Variants in HIVEP3 observed in about 807,000 individuals in gnomAD.
The protein encoded by HIVEP3 is transcription factor HIVEP3.
Under a neutral mutation model 152.8 loss-of-function variants are expected in HIVEP3, and 49 were observed. The ratio of observed to expected loss-of-function variants is 0.32; its 90% CI spans 0.26 to 0.41. HIVEP3 has a LOEUF of 0.41. HIVEP3 is among the 10% of genes least tolerant of loss of function. The pLI, the probability that HIVEP3 is intolerant of heterozygous loss-of-function variation, is 1.00. For synonymous variants in HIVEP3, 1,269 were observed against 1,289.0 expected, an observed-to-expected ratio of 0.98 and a Z score of 0.33; for missense variants, 2,790 against 3,103.3, an observed-to-expected ratio of 0.90 and a Z score of 2.40.
chr1:41,620,874 G>A (rs1645037559), intron 3 of HIVEP3, among the ~76,000 whole-genome samples: 1 of 152,208 alleles, frequency 6.6e-6, no homozygotes, highest in South Asian at 2.1e-4. Flanking sequence ...CTGTGCACCA[G>A]GCAGTGCTGG....
chr1:41,637,392 A>G (rs1218792505), intron 2 of HIVEP3, among the ~76,000 whole-genome samples: 1 of 152,214 alleles, frequency 6.6e-6, no homozygotes, highest in Non-Finnish European at 1.5e-5. Flanking sequence ...TCTATGTATC[A>G]AGCTTTGTCT....
chr1:41,850,561 T>C (rs1289985784), intron 1 of HIVEP3, among the ~76,000 whole-genome samples: 1 of 152,218 alleles, frequency 6.6e-6, no homozygotes, highest in African/African-American at 2.4e-5. Flanking sequence ...CTCCTAATTT[T>C]TGTCGTCATT....
At position 41,784,717 on chromosome 1, in the gene HIVEP3, G is replaced by A. The variant is rs113278528; in HGVS notation, c.-800-83722C>T. On this transcript the variant is annotated intron_variant, in intron 1 of 8. Coordinates refer to ENST00000372583, the MANE Select transcript of HIVEP3 (RefSeq NM_024503.5). ...ACTTACTCAAGTAAATTAAGGAGAA[G>A]AGCTTGGCCTAGAATCAAGCCTTGT... is the stretch of plus-strand genomic sequence containing the variant. Among the ~76,000 whole-genome samples the A allele has an allele frequency of 9.8e-5, 15 of 152,350 alleles. 3 individuals carry two copies. Among genetic ancestry groups the A allele is most frequent in the African/African-American group, 3.6e-4 (15 of 41,580 alleles).
intron 1 of HIVEP3, among the ~76,000 whole-genome samples, chr1:41,979,560 T>G (rs1016761477): frequency 1.3e-5 from 2 of 152,188 alleles, no homozygotes; most frequent in Admixed American, 1.3e-4. Context: ...TGTCACTCAC[T>G]CTATTTTCTT....
At chr1:41,977,507 G>C (rs1040560138) in intron 1 of HIVEP3, among the ~76,000 whole-genome samples, 2 of 152,210 alleles carry the variant, frequency 1.3e-5, no homozygotes, top group African/African-American at 4.8e-5. Flanking sequence ...GCAGAGGTGA[G>C]TGTCACATCC....
intron 1 of HIVEP3, among the ~76,000 whole-genome samples, chr1:41,981,508 G>A (rs188560744): frequency 1.3e-5 from 2 of 152,094 alleles, no homozygotes; most frequent in Non-Finnish European, 2.9e-5. Flanking sequence ...TGGACTCAAG[G>A]CCTGCCACGT....
chr1:41,538,694 A>C (rs1458303631), intron 5 of HIVEP3, among the ~76,000 whole-genome samples: 1 of 152,202 alleles, frequency 6.6e-6, no homozygotes, highest in Non-Finnish European at 1.5e-5. Flanking sequence ...AGAGCCAGCA[A>C]GCAGGCACCA....
chr1:41,884,622 G>T (rs1411091166), intron 1 of HIVEP3, among the ~76,000 whole-genome samples: 1 of 152,216 alleles, frequency 6.6e-6, no homozygotes, highest in African/African-American at 2.4e-5. Context: ...ATCCTGAAGG[G>T]TTAGCATTGG....
intron 2 of HIVEP3, among the ~76,000 whole-genome samples, chr1:41,636,943 G>A (rs1293711190): frequency 7.2e-5 from 9 of 125,066 alleles, no homozygotes; most frequent in Middle Eastern, 4.5e-3. Context: ...TGGGCAACAA[G>A]AGCGAAACTC....
chr1:41,974,583 T>C (rs1440415385), intron 1 of HIVEP3, among the ~76,000 whole-genome samples: 2 of 152,028 alleles, frequency 1.3e-5, no homozygotes, highest in African/African-American at 4.8e-5. Flanking sequence ...TCTTTGTCTC[T>C]GGTCCCTGGG....
rs151217227 is a variant in HIVEP3, at chr1:41,917,922, C to T, written c.-801+491G>A. Among the ~76,000 whole-genome samples the T allele has an allele frequency of 3.8e-3, 582 of 152,364 alleles. 5 individuals are homozygous for T. Among genetic ancestry groups the T allele is most frequent in the African/African-American group, 0.014 (564 of 41,580 alleles). The stretch of plus-strand genomic sequence containing the variant: ...TCACTCTCAACCAAGCAGGCTACTG[C>T]AGTCCGCCTAAACAATCCGGAGCAG... On this transcript the variant is annotated intron_variant, in intron 1 of 8. Transcript: ENST00000372583.
chr1:41,753,762 T>C (rs1647208073), intron 1 of HIVEP3, among the ~76,000 whole-genome samples: 1 of 152,114 alleles, frequency 6.6e-6, no homozygotes, highest in South Asian at 2.1e-4. Flanking sequence ...TAGGTGGCCG[T>C]TCATTTTCAT....
chr1:41,744,469 T>C (rs1424881046), intron 1 of HIVEP3, among the ~76,000 whole-genome samples: 7 of 152,362 alleles, frequency 4.6e-5, no homozygotes, highest in East Asian at 3.9e-4. Context: ...TCTTTGGCCA[T>C]GATCAGGGTG....
At chr1:41,710,557 C>A (rs78973439) in intron 1 of HIVEP3, among the ~76,000 whole-genome samples, 6 of 152,306 alleles carry the variant, frequency 3.9e-5, no homozygotes, top group East Asian at 3.9e-4. Context: ...TGGTCCCCTG[C>A]GCCAACTGGC....
rs897025817 is a variant in HIVEP3 at position 41,664,111 on chromosome 1, G to T, written c.-720-35164C>A. Among the ~76,000 whole-genome samples, 6 of 152,288 alleles carry T rather than the reference G, an allele frequency of 3.9e-5. No homozygotes were observed. Among genetic ancestry groups the T allele is most frequent in the Admixed American group, 3.9e-4 (6 of 15,304 alleles). On this transcript the variant is annotated intron_variant, in intron 2 of 8. Coordinates refer to ENST00000372583, the MANE Select transcript of HIVEP3 (RefSeq NM_024503.5). The surrounding 1 kb of genome is among the most constrained non-coding windows in gnomAD (Gnocchi z 4.4). ...TGAAATGTCTTCTCCACCCCCTCCA[G>T]CTGTCCTTCACACCCTGAATCCAAG...
chr1:42,010,874 C>T (rs1439355020), intron 1 of HIVEP3, among the ~76,000 whole-genome samples: 2 of 152,082 alleles, frequency 1.3e-5, no homozygotes, highest in East Asian at 1.9e-4. Context: ...TCCCACCCCA[C>T]CTCCAAGGCT....
intron 2 of HIVEP3, among the ~76,000 whole-genome samples, chr1:41,649,883 T>C (rs1645520469): frequency 1.3e-5 from 2 of 152,158 alleles, no homozygotes; most frequent in African/African-American, 2.4e-5. Context: ...AGAATTAAAT[T>C]AGCAAATTGC....
intron 1 of HIVEP3, among the ~76,000 whole-genome samples, chr1:41,938,750 C>A (rs774851105): frequency 6.6e-5 from 10 of 152,194 alleles, no homozygotes; most frequent in African/African-American, 2.2e-4. Context: ...CTGTTAGTGA[C>A]AATCTGGTTC....
chr1:41,549,870 T>C (rs1643877078), intron 5 of HIVEP3, among the ~76,000 whole-genome samples: 1 of 152,224 alleles, frequency 6.6e-6, no homozygotes, highest in Admixed American at 6.5e-5. Flanking sequence ...CAGAAGCTCT[T>C]TAGTTTAATT....
Sources: gnomAD v4.1 joint callset for allele counts (sites outside exome capture counted in the v4.1 genomes callset) on GRCh38, gnomAD v4.1.1 for gene constraint, Gnocchi (gnomAD v3.1) non-coding constraint, MANE v1.5 for transcripts, NCBI Gene and HGNC (gene_info 2026-07-23, HGNC 2026-07-21) for gene names.